PDZD2: variants seen among roughly 807,000 people sequenced by gnomAD.
PDZD2 encodes PDZ domain-containing protein 2.
A neutral mutation model predicts 220.7 loss-of-function variants in PDZD2; 90 were observed. The observed-to-expected ratio is 0.41, with a 90% CI of 0.34 to 0.49. The LOEUF (loss-of-function observed/expected upper bound fraction) is 0.49. Ranked by LOEUF, PDZD2 falls within the 20% of genes least tolerant of loss-of-function variation. The pLI, the probability that PDZD2 is intolerant of heterozygous loss-of-function variation, is 0.28. For synonymous variants in PDZD2, 1,375 were observed against 1,450.5 expected (o/e 0.95, Z 1.18); for missense variants, 3,174 against 3,608.5 (o/e 0.88, Z 3.08).
At chr5:31,900,467 G>A (rs1281633942) in intron 2 of PDZD2, among the ~76,000 whole-genome samples, 1 of 152,074 alleles carries the variant, frequency 6.6e-6, no homozygotes, top group East Asian at 1.9e-4. Flanking sequence ...CCTGGAACAA[G>A]GATCAGCTCC....
intron 3 of PDZD2, among the ~76,000 whole-genome samples, chr5:31,986,705 CA>C (rs1750750971): frequency 6.6e-6 from 1 of 152,052 alleles, no homozygotes. Flanking sequence ...TTAAACATGT[CA>C]GTATTTTTCC....
In PDZD2 at chr5:32,101,157, G is replaced by A. The variant is rs369374809; in HGVS notation, c.8271G>A (p.Ser2757=). The change falls in exon 24 of 25, where the codon TCG becomes TCA. Residue 2757 remains serine (S), a synonymous_variant. Transcript: ENST00000438447. ...DALCVEVLKT[S]AGLGLSLDGG... ...TGTGTGTTGAAGTGCTGAAGACCTC[G>A]GCTGGGCTGGGACTGAGTCTGGATG... is the stretch of plus-strand genomic sequence containing the variant. 66 of 1,613,940 alleles carry A rather than the reference G, an allele frequency of 4.1e-5. 1 individual carries two copies. In the East Asian group the frequency reaches 5.6e-4, roughly 14 times the overall value.
At chr5:31,717,249 G>T (rs1329404524) in intron 1 of PDZD2, among the ~76,000 whole-genome samples, 1 of 152,166 alleles carries the variant, frequency 6.6e-6, no homozygotes, top group African/African-American at 2.4e-5. Flanking sequence ...GGTGTGTGGA[G>T]GCCCTCAGTT....
rs1287570671 is a variant in PDZD2 at position 32,012,543 on chromosome 5, T to C, written c.1407+2061T>C. On this transcript the variant is annotated intron_variant, in intron 6 of 24. Transcript: ENST00000438447. ...GGACTACAGACGCACGCCACCGCGC[T>C]TGGCTAATTTTTTGTATTTTCATTA... 5.3e-5 allele frequency among the ~76,000 whole-genome samples: 8 copies of C among 151,852 alleles called. No homozygotes were observed. The East Asian group carries it at 1.5e-3, about 29-fold the overall frequency.
intron 2 of PDZD2, among the ~76,000 whole-genome samples, chr5:31,884,259 A>ACATACATACATACATC (rs923352259): frequency 5.9e-5 from 9 of 151,562 alleles, no homozygotes; most frequent in South Asian, 2.1e-4. Context: ...ATACATACAT[A>ACATACATACATACATC]CATCCTGGGT....
chr5:31,999,956 C>T (rs1751967679), intron 4 of PDZD2, among the ~76,000 whole-genome samples, 183 bp from the exon 5 acceptor site: 1 of 152,180 alleles, frequency 6.6e-6, no homozygotes, highest in Non-Finnish European at 1.5e-5. Flanking sequence ...AGGGAATCCT[C>T]TGATGGGAAT....
intron 1 of PDZD2, among the ~76,000 whole-genome samples, chr5:31,686,590 C>T (rs1746881117): frequency 6.6e-6 from 1 of 152,140 alleles, no homozygotes; most frequent in Non-Finnish European, 1.5e-5. Flanking sequence ...TAGTCTCGAA[C>T]TCCTGACCTC....
intron 1 of PDZD2, among the ~76,000 whole-genome samples, chr5:31,716,454 T>C (rs1216921248): frequency 1.3e-5 from 2 of 152,076 alleles, no homozygotes; most frequent in East Asian, 3.9e-4. Context: ...AATGTCTTTA[T>C]TGTGGTTTTT....
chr5:31,999,864 G>T (rs1030209627), intron 4 of PDZD2, among the ~76,000 whole-genome samples: 1 of 152,302 alleles, frequency 6.6e-6, no homozygotes, highest in East Asian at 1.9e-4. Context: ...TCTCCACCTG[G>T]ATGGGAGTTT....
intron 1 of PDZD2, among the ~76,000 whole-genome samples, chr5:31,693,522 G>A (rs1480177457): frequency 6.6e-6 from 1 of 151,718 alleles, no homozygotes; most frequent in African/African-American, 2.4e-5. Context: ...TTATAGGCGT[G>A]AGCTACCGCG....
chr5:32,031,543 A>T (rs1755119836), intron 6 of PDZD2, among the ~76,000 whole-genome samples: 1 of 152,158 alleles, frequency 6.6e-6, no homozygotes, highest in Non-Finnish European at 1.5e-5. Context: ...TTCAAAGAAG[A>T]TGGCATGTCT....
chr5:31,779,807 G>A (rs1752953861), intron 1 of PDZD2, among the ~76,000 whole-genome samples: 1 of 152,102 alleles, frequency 6.6e-6, no homozygotes. Context: ...AGTTTGGTAT[G>A]CCTGTTCTCA....
intron 2 of PDZD2, among the ~76,000 whole-genome samples, chr5:31,886,702 CTT>C (rs34507635): frequency 6.2e-5 from 8 of 129,858 alleles, no homozygotes; most frequent in African/African-American, 8.1e-5. Context: ...GTCTCTGTCT[CTT>C]TTTTTTTTTT....
chr5:31,835,109 G>C (rs1428592642), intron 2 of PDZD2, among the ~76,000 whole-genome samples: 1 of 151,988 alleles, frequency 6.6e-6, no homozygotes, highest in Non-Finnish European at 1.5e-5. Context: ...ATGATTTTGA[G>C]GCAAAGAAAA....
intron 2 of PDZD2, among the ~76,000 whole-genome samples, chr5:31,941,421 G>A (rs1305521759): frequency 6.6e-6 from 1 of 152,224 alleles, no homozygotes; most frequent in Non-Finnish European, 1.5e-5. Flanking sequence ...TGGCAGGGGA[G>A]CAATAAAGAC....
chr5:32,090,540 C>T lies in PDZD2; in HGVS notation c.7092C>T (p.Ser2364=). The T allele has an allele frequency of 1.2e-6, 2 of 1,613,894 alleles. No homozygotes were observed. The highest frequency in any genetic ancestry group is 1.7e-6 in the Non-Finnish European group (2 of 1,179,974). The change falls in exon 20 of 25, where the codon AGC becomes AGT. Residue 2364 remains serine (S), a synonymous_variant. Coordinates refer to ENST00000438447, the MANE Select transcript of PDZD2 (RefSeq NM_178140.4). The surrounding 1 kb of genome is among the most constrained non-coding windows in gnomAD (Gnocchi z 4.3). ...GGGCTTCCCCATTTTTGTCGGTGAG[C>T]TCCAAGCCTCCCATTGGGAGGCGGT... The part of the protein sequence containing the change: ...KSGASPFLSV[S]SKPPIGRRSS...
At position 32,021,487 on chromosome 5, in the gene PDZD2, G is replaced by A. The variant is rs996624554; in HGVS notation, c.1407+11005G>A. ...GATTTTTGTATTTTTTAGTAGAGAT[G>A]GGGTTTCACCATGTTGGCCAGGCTG... On this transcript the variant is annotated intron_variant, in intron 6 of 24. Transcript: ENST00000438447. 1.0e-3 allele frequency among the ~76,000 whole-genome samples: 152 copies of A among 151,848 alleles called. 1 individual carries two copies. Among genetic ancestry groups the A allele is most frequent in the Middle Eastern group, 3.4e-3 (1 of 294 alleles).
intron 1 of PDZD2, among the ~76,000 whole-genome samples, chr5:31,691,615 C>CGCCACCTGCTTTTATTATCTTATCTGG (rs1561386539): frequency 1.3e-5 from 2 of 151,922 alleles, no homozygotes; most frequent in South Asian, 2.1e-4. Context: ...TCTTATCTGG[C>CGCCACCTGCTTTTATTATCTTATCTGG]CCCTGCTGAT....
intron 2 of PDZD2, among the ~76,000 whole-genome samples, chr5:31,949,328 C>T (rs1015774787): frequency 6.6e-6 from 1 of 151,994 alleles, no homozygotes; most frequent in African/African-American, 2.4e-5. Context: ...ACTTCAAACC[C>T]CAGTTCCCCA....
Sources: gnomAD v4.1 joint callset for allele counts (sites outside exome capture counted in the v4.1 genomes callset) on GRCh38, gnomAD v4.1.1 for gene constraint, Gnocchi (gnomAD v3.1) non-coding constraint, MANE v1.5 for transcripts, NCBI Gene and HGNC (gene_info 2026-07-23, HGNC 2026-07-21) for gene names.